Variants in TXNDC11 observed in about 807,000 individuals in gnomAD.
TXNDC11 encodes thioredoxin domain containing 11.
In TXNDC11, 68 loss-of-function variants were observed where a neutral mutation model predicts 78.0. That is an observed-to-expected ratio of 0.87 (90% CI 0.72 to 1.07). The LOEUF (loss-of-function observed/expected upper bound fraction) is 1.07, where lower values mean the gene tolerates loss of function less well. Ranked by LOEUF, TXNDC11 falls within the 50% of genes least tolerant of loss-of-function variation. The pLI, the probability that TXNDC11 is intolerant of heterozygous loss-of-function variation, is 0.00. For missense variants in TXNDC11, 1,389 were observed against 1,221.8 expected (o/e 1.14, Z -2.04); for synonymous variants, 571 against 495.2 (o/e 1.15, Z -2.03).
At chr16:11,685,964 CT>C (rs998752662) in intron 10 of TXNDC11, among the ~76,000 whole-genome samples, 7 of 150,204 alleles carry the variant, frequency 4.7e-5, no homozygotes, top group African/African-American at 1.5e-4. Context: ...TATATGCTTA[CT>C]TTTTTTTTTC....
At chr16:11,740,779 G>A (rs995762235) in intron 1 of TXNDC11, among the ~76,000 whole-genome samples, 1 of 152,190 alleles carries the variant, frequency 6.6e-6, no homozygotes, top group Non-Finnish European at 1.5e-5. Context: ...CACGAAGGCT[G>A]GACTCCTTCA....
chr16:11,716,353 T>A (rs1237049708), intron 5 of TXNDC11, among the ~76,000 whole-genome samples: 1 of 152,254 alleles, frequency 6.6e-6, no homozygotes, highest in East Asian at 1.9e-4. Flanking sequence ...ATCAGATTTT[T>A]AAAAATCAAG....
At chr16:11,726,169 C>T (rs903282576) in intron 4 of TXNDC11, among the ~76,000 whole-genome samples, 1 of 152,106 alleles carries the variant, frequency 6.6e-6, no homozygotes, top group African/African-American at 2.4e-5. Flanking sequence ...TGAAGCACCT[C>T]GCCAGGCCTC....
chr16:11,742,593 G>A lies in TXNDC11; in HGVS notation c.138C>T (p.Gly46=). 4 of 1,457,310 alleles carry A rather than the reference G, an allele frequency of 2.7e-6. No individual in the cohort carries two copies. Among genetic ancestry groups the A allele is most frequent in the East Asian group, 3.0e-5 (1 of 33,162 alleles). 90.3% of individuals were successfully genotyped at this position (1,457,310 alleles called of 1,614,324 possible). A position where few individuals can be genotyped will look rare whatever the true frequency, so the allele number is the denominator to read the frequency against. ...CGCCACGCAGCCCGCGACGGAGCCG[G>A]CCCGCCGAGGACGCTGTGGCCAGGG... ...SPTLATASSA[G]RLRRGLRGAF... The change falls in exon 1 of 12, where the codon GGC becomes GGT. Residue 46 remains glycine, a synonymous_variant. Transcript: ENST00000283033.
At position 11,730,569 on chromosome 16, in the gene TXNDC11, C is replaced by A. The variant is rs1475926755; in HGVS notation, c.699+76G>T. On this transcript the variant is annotated intron_variant, in intron 4 of 11. Transcript: ENST00000283033. Reference sequence around the variant, plus strand: ...CAATTCAGGAGGTATTTTTTTAAACCCCTTTAAAACAAACAATCCAATACA... The same window carrying A: ...CAATTCAGGAGGTATTTTTTTAAACACCTTTAAAACAAACAATCCAATACA... The A allele has an allele frequency of 2.1e-6, 3 of 1,451,992 alleles. No homozygotes were observed. In the African/African-American group the frequency reaches 4.2e-5, roughly 21 times the overall value. The allele number at this position is 1,451,992 out of a possible 1,614,324, so 89.9% of individuals were successfully genotyped here.
chr16:11,699,700 A>G (rs1487639446), intron 6 of TXNDC11, among the ~76,000 whole-genome samples: 1 of 152,252 alleles, frequency 6.6e-6, no homozygotes, highest in African/African-American at 2.4e-5. Flanking sequence ...AGACTTAGAC[A>G]TTGTGCCAAG....
At chr16:11,693,813 G>A (rs1292383743) in intron 7 of TXNDC11, among the ~76,000 whole-genome samples, 3 of 152,084 alleles carry the variant, frequency 2.0e-5, no homozygotes, top group South Asian at 2.1e-4. Context: ...TATATAATCC[G>A]TGAAGAGCCC....
intron 5 of TXNDC11, chr16:11,703,523 C>T (rs969539520): frequency 2.0e-6 from 1 of 505,894 alleles, no homozygotes; most frequent in Admixed American, 3.3e-5. Flanking sequence ...CACACACACA[C>T]ACACACACAC....
At chr16:11,740,250 T>C (rs573311906) in intron 1 of TXNDC11, among the ~76,000 whole-genome samples, 11 of 152,188 alleles carry the variant, frequency 7.2e-5, no homozygotes, top group Admixed American at 4.6e-4. Flanking sequence ...TGTTAGCCAG[T>C]TGCACAGCAA....
In TXNDC11 at chr16:11,742,626, C is replaced by G. The variant is rs773358482; in HGVS notation, c.105G>C (p.Ser35=). The part of the protein sequence containing the change: ...GGPAGSDCLS[S]SPTLATASSA... ...AGGACGCTGTGGCCAGGGTCGGGCT[C>G]GAGCTGAGGCAGTCTGAGCCCGCGG... The change falls in exon 1 of 12, where the codon TCG becomes TCC. Residue 35 remains serine, a synonymous_variant. Transcript: ENST00000283033. The G allele has an allele frequency of 2.1e-6, 3 of 1,459,164 alleles. No individual in the cohort carries two copies. The highest frequency in any genetic ancestry group is 1.5e-5 in the African/African-American group (1 of 67,800). 90.4% of individuals were successfully genotyped at this position (1,459,164 alleles called of 1,614,324 possible). A position where few individuals can be genotyped will look rare whatever the true frequency, so the allele number is the denominator to read the frequency against.
intron 7 of TXNDC11, among the ~76,000 whole-genome samples, chr16:11,692,515 A>G (rs760291144): frequency 6.6e-5 from 10 of 152,210 alleles, no homozygotes; most frequent in Non-Finnish European, 1.0e-4. Flanking sequence ...TGAAACGGCA[A>G]AAGTCTCAAT....
intron 10 of TXNDC11, among the ~76,000 whole-genome samples, chr16:11,687,567 G>A (rs865789018): frequency 2.6e-5 from 4 of 152,240 alleles, no homozygotes; most frequent in Middle Eastern, 6.8e-3. Flanking sequence ...TATTCCACGG[G>A]GCCATCCTGG....
chr16:11,730,771 A>G lies in TXNDC11; in HGVS notation c.573T>C (p.Phe191=). ...FPVIYLYHRS[F]GPIEYKGPMS... ...TGGGGCCTTTGTATTCGATTGGTCCAAAACTAGTACCAAAAAATAAAAATA... is the reference window on the plus strand; with the variant it reads ...TGGGGCCTTTGTATTCGATTGGTCCGAAACTAGTACCAAAAAATAAAAATA... Residue 191 remains phenylalanine, a synonymous_variant, in exon 4 of 12, where the codon TTT becomes TTC. Transcript: ENST00000283033. 6.4e-7 allele frequency: 1 copy of G among 1,569,882 alleles called. No homozygotes were observed. Among genetic ancestry groups the G allele is most frequent in the Non-Finnish European group, 8.6e-7 (1 of 1,156,428 alleles).
chr16:11,730,833 A>C (rs1466660740), intron 3 of TXNDC11, 59 bp from the exon 4 acceptor site: 2 of 1,301,050 alleles, frequency 1.5e-6, no homozygotes, highest in Non-Finnish European at 2.0e-6. Flanking sequence ...CCATGCATTA[A>C]GCCTGTAATG....
intron 8 of TXNDC11, among the ~76,000 whole-genome samples, chr16:11,688,728 A>AC (rs2050632913): frequency 2.0e-5 from 3 of 152,240 alleles, no homozygotes; most frequent in Admixed American, 2.0e-4. Flanking sequence ...TGGTCCACAA[A>AC]TAGACACCAA....
chr16:11,728,593 G>A (rs969422343), intron 4 of TXNDC11, among the ~76,000 whole-genome samples: 10 of 152,164 alleles, frequency 6.6e-5, no homozygotes, highest in Non-Finnish European at 1.0e-4. Context: ...CAGTAATGTC[G>A]TCAGTAGATT....
At chr16:11,696,845 G>C (rs1038471926) in intron 7 of TXNDC11, among the ~76,000 whole-genome samples, 3 of 152,180 alleles carry the variant, frequency 2.0e-5, no homozygotes, top group Admixed American at 6.5e-5. Context: ...TCTGGGCAGA[G>C]GCTGTGGGCT....
At chr16:11,689,165 T>C (rs1198293800) in intron 8 of TXNDC11, among the ~76,000 whole-genome samples, 4 of 151,638 alleles carry the variant, frequency 2.6e-5, no homozygotes, top group Admixed American at 1.3e-4. Context: ...CATAGCTCAC[T>C]GTAGCCTTAA....
chr16:11,735,244 T>C (rs769807493), intron 2 of TXNDC11, among the ~76,000 whole-genome samples: 7 of 152,204 alleles, frequency 4.6e-5, no homozygotes, highest in Non-Finnish European at 8.8e-5. Context: ...CACCAACATA[T>C]CACCTTTATC....
Sources: gnomAD v4.1 joint callset for allele counts (sites outside exome capture counted in the v4.1 genomes callset) on GRCh38, gnomAD v4.1.1 for gene constraint, MANE v1.5 for transcripts, NCBI Gene and HGNC (gene_info 2026-07-23, HGNC 2026-07-21) for gene names.